NACC2: variants seen among roughly 807,000 people sequenced by gnomAD.
NACC2 encodes nucleus accumbens-associated protein 2.
In NACC2, 8 loss-of-function variants were observed where a neutral mutation model predicts 25.1. The observed-to-expected ratio is 0.32, with a 90% CI of 0.19 to 0.57. NACC2 has a LOEUF of 0.57. Among genes scored for constraint, NACC2 ranks in the 20% least tolerant of loss-of-function variants. The probability of loss-of-function intolerance (pLI) is 0.89; values close to 1 mark genes in which losing one functional copy is unlikely to be tolerated. For synonymous variants in NACC2, 435 were observed against 294.7 expected, an observed-to-expected ratio of 1.48 and a Z score of -4.88; for missense variants, 644 against 650.2, an observed-to-expected ratio of 0.99 and a Z score of 0.10.
At chr9:136,054,669 C>G (rs1205919339) in intron 1 of NACC2, among the ~76,000 whole-genome samples, 2 of 151,946 alleles carry the variant, frequency 1.3e-5, no homozygotes, top group African/African-American at 4.8e-5. Flanking sequence ...GGCATCCCCA[C>G]CCTCCCCTGC....
chr9:136,048,692 G>A (rs1840766261), intron 2 of NACC2, among the ~76,000 whole-genome samples: 1 of 152,260 alleles, frequency 6.6e-6, no homozygotes, highest in African/African-American at 2.4e-5. Flanking sequence ...TGCTGTCCCG[G>A]CTGTGGTGAC....
intron 1 of NACC2, among the ~76,000 whole-genome samples, chr9:136,063,031 C>T (rs1270477186): frequency 6.6e-6 from 1 of 152,208 alleles, no homozygotes; most frequent in African/African-American, 2.4e-5. Flanking sequence ...AGAAGAAGCC[C>T]GACTTTGCCG....
At chr9:136,094,591 G>A (rs2131196534) in intron 1 of NACC2, among the ~76,000 whole-genome samples, 1 of 152,272 alleles carries the variant, frequency 6.6e-6, no homozygotes, top group Non-Finnish European at 1.5e-5. Context: ...CTCCCCCTGC[G>A]GCCGGACCCC....
At chr9:136,062,123 AGGACAGGAC>A (rs1564235384) in intron 1 of NACC2, among the ~76,000 whole-genome samples, 1 of 69,546 alleles carries the variant, frequency 1.4e-5, no homozygotes, top group Non-Finnish European at 3.2e-5. Context: ...GAGACAGGAC[AGGACAGGAC>A]AGGACAGGAC....
intron 1 of NACC2, among the ~76,000 whole-genome samples, chr9:136,071,083 A>C (rs937185705): frequency 1.3e-5 from 2 of 151,422 alleles, no homozygotes; most frequent in South Asian, 4.1e-4. Context: ...AACTTTAAAA[A>C]TTCGCCAGAC....
intron 2 of NACC2, among the ~76,000 whole-genome samples, chr9:136,047,405 C>G (rs1242498361): frequency 6.6e-6 from 1 of 152,200 alleles, no homozygotes; most frequent in Non-Finnish European, 1.5e-5. Flanking sequence ...ATGGGCTTGC[C>G]GAACAGAAAA....
Position 136,084,500 on chromosome 9 carries a change from C to A in NACC2, c.-60+10689G>T, listed in dbSNP as rs943276429. 6.6e-6 allele frequency among the ~76,000 whole-genome samples: 1 copy of A among 152,228 alleles called. No individual in the cohort carries two copies. Among genetic ancestry groups the A allele is most frequent in the Non-Finnish European group, 1.5e-5 (1 of 68,040 alleles). ...CACCAGGAGGCCACAGACAAACCTA[C>A]CTCGAGGGTCCATCTATCAAATCTG... On this transcript the variant is annotated intron_variant, in intron 1 of 5. Coordinates refer to ENST00000277554, the MANE Select transcript of NACC2 (RefSeq NM_144653.5). This position sits in a 1 kb window ranked among gnomAD's most constrained non-coding sequence, Gnocchi z 5.1.
At position 136,084,536 on chromosome 9, in the gene NACC2, C is replaced by T. The variant is rs189338755; in HGVS notation, c.-60+10653G>A. On this transcript the variant is annotated intron_variant, in intron 1 of 5. Coordinates refer to ENST00000277554, the MANE Select transcript of NACC2 (RefSeq NM_144653.5). The surrounding 1 kb of genome is among the most constrained non-coding windows in gnomAD (Gnocchi z 5.1). ...CATCTATCAAATCTGTCAAACTGGC[C>T]CAGACCCCGGAGTCAGGGTCACGAA... is the stretch of plus-strand genomic sequence containing the variant. 6.6e-6 allele frequency among the ~76,000 whole-genome samples: 1 copy of T among 152,288 alleles called. No homozygotes were observed. Among genetic ancestry groups the T allele is most frequent in the Non-Finnish European group, 1.5e-5 (1 of 68,024 alleles).
At position 136,046,582 on chromosome 9, in the gene NACC2, G is replaced by A. The variant is rs549663157; in HGVS notation, c.886+3054C>T. On this transcript the variant is annotated intron_variant, in intron 2 of 5. Coordinates refer to ENST00000277554, the MANE Select transcript of NACC2 (RefSeq NM_144653.5). Reference sequence around the variant, plus strand: ...TCCACCTGATGGGGACCGAGACGGGGCCTGCCTCGCTGCGGGTGGGGGGGC... The same window carrying A: ...TCCACCTGATGGGGACCGAGACGGGACCTGCCTCGCTGCGGGTGGGGGGGC... Among the ~76,000 whole-genome samples, 662 of 152,336 alleles carry A rather than the reference G, an allele frequency of 4.3e-3. 6 individuals are homozygous for A. The highest frequency in any genetic ancestry group is 0.015 in the African/African-American group (632 of 41,580).
intron 2 of NACC2, among the ~76,000 whole-genome samples, chr9:136,045,754 G>A (rs1017497579): frequency 7.2e-5 from 11 of 152,114 alleles, no homozygotes; most frequent in East Asian, 1.9e-4. Flanking sequence ...TGAAATAACC[G>A]TCAGGGCCCC....
In NACC2 at chr9:136,084,559, G is replaced by C. The variant is rs941121691; in HGVS notation, c.-60+10630C>G. Among the ~76,000 whole-genome samples, 1 of 152,162 alleles carries C rather than the reference G, an allele frequency of 6.6e-6. No homozygotes were observed. Among genetic ancestry groups the C allele is most frequent in the South Asian group, 2.1e-4 (1 of 4,828 alleles). On this transcript the variant is annotated intron_variant, in intron 1 of 5. Transcript: ENST00000277554. This position sits in a 1 kb window ranked among gnomAD's most constrained non-coding sequence, Gnocchi z 5.1. ...GCCCAGACCCCGGAGTCAGGGTCAC[G>C]AAGGCCATGGAAAGGCCACAGAATA...
At chr9:136,088,918 G>T (rs1830406486) in intron 1 of NACC2, among the ~76,000 whole-genome samples, 1 of 152,256 alleles carries the variant, frequency 6.6e-6, no homozygotes, top group Non-Finnish European at 1.5e-5. Flanking sequence ...CAGGCAATTT[G>T]CATAATATTC....
At chr9:136,049,149 C>T (rs945607360) in intron 2 of NACC2, among the ~76,000 whole-genome samples, 3 of 152,218 alleles carry the variant, frequency 2.0e-5, no homozygotes, top group Middle Eastern at 3.2e-3. Flanking sequence ...GGAGGGGGAG[C>T]GACTGCTCAC....
chr9:136,011,684 C>T lies in NACC2; in HGVS notation c.1596G>A (p.Val532=), dbSNP rs756672168. Reference sequence around the variant, plus strand: ...CCTGGATGACCGAGCCAGCCCCGTCCACCTCCTCGCCGGCGTCGAAGGCGG... The same window carrying T: ...CCTGGATGACCGAGCCAGCCCCGTCTACCTCCTCGCCGGCGTCGAAGGCGG... The part of the protein sequence containing the change: ...ANPAFDAGEE[V]DGAGSVIQEV... Residue 532 remains valine, a synonymous_variant, in exon 6 of 6, where the codon GTG becomes GTA. Transcript: ENST00000277554. The T allele has an allele frequency of 8.2e-6, 12 of 1,462,040 alleles. No homozygotes were observed. In the South Asian group the frequency reaches 1.6e-4, roughly 19 times the overall value. 90.6% of individuals were successfully genotyped at this position (1,462,040 alleles called of 1,614,324 possible).
intron 5 of NACC2, among the ~76,000 whole-genome samples, chr9:136,012,726 A>T (rs1588555166): frequency 7.3e-6 from 1 of 137,680 alleles, no homozygotes; most frequent in South Asian, 2.4e-4. Flanking sequence ...GGGCCACAGG[A>T]GGCTGTGCTC....
Position 136,083,593 on chromosome 9 carries a change from G to A in NACC2, c.-60+11596C>T, listed in dbSNP as rs557672374. On this transcript the variant is annotated intron_variant, in intron 1 of 5. Transcript: ENST00000277554. Reference sequence around the variant, plus strand: ...GGGAAAACGCGGACACCTGTGAAGAGCGCCGTGCAGAGGCCAGGCCGAGAC... The same window carrying A: ...GGGAAAACGCGGACACCTGTGAAGAACGCCGTGCAGAGGCCAGGCCGAGAC... 2.6e-5 allele frequency among the ~76,000 whole-genome samples: 4 copies of A among 152,368 alleles called. No individual in the cohort carries two copies. In the South Asian group the frequency reaches 6.2e-4, roughly 24 times the overall value.
intron 1 of NACC2, among the ~76,000 whole-genome samples, chr9:136,060,003 G>A (rs1416245131): frequency 3.3e-5 from 5 of 152,248 alleles, no homozygotes; most frequent in East Asian, 3.8e-4. Flanking sequence ...GCACAGGGCC[G>A]AGGGACACAG....
chr9:136,073,163 C>T (rs1043506297), intron 1 of NACC2, among the ~76,000 whole-genome samples: 11 of 152,096 alleles, frequency 7.2e-5, no homozygotes, highest in Admixed American at 2.0e-4. Flanking sequence ...TATGGTGGCA[C>T]GTGCTTGTAG....
chr9:136,058,181 G>A (rs1432595649), intron 1 of NACC2, among the ~76,000 whole-genome samples: 2 of 152,306 alleles, frequency 1.3e-5, no homozygotes, highest in African/African-American at 2.4e-5. Context: ...CACCACCTCC[G>A]CCTGGAGTTG....
Sources: allele counts gnomAD v4.1 joint callset (sites outside exome capture counted in the v4.1 genomes callset), GRCh38; gene constraint gnomAD v4.1.1; non-coding constraint Gnocchi (gnomAD v3.1); transcripts MANE v1.5; gene names NCBI Gene and HGNC (gene_info 2026-07-23, HGNC 2026-07-21).